ADAM18: variants seen among roughly 807,000 people sequenced by gnomAD.
The protein encoded by ADAM18 is disintegrin and metalloproteinase domain-containing protein 18.
In ADAM18, 117 loss-of-function variants were observed where a neutral mutation model predicts 94.4. That is an observed-to-expected ratio of 1.24 (90% CI 1.07 to 1.45). ADAM18 has a LOEUF of 1.45. ADAM18 is among the 40% of genes most tolerant of loss of function. The pLI is 0.00. For missense variants in ADAM18, 936 were observed against 880.0 expected, an observed-to-expected ratio of 1.06 and a Z score of -0.81; for synonymous variants, 327 against 291.6, an observed-to-expected ratio of 1.12 and a Z score of -1.24.
intron 3 of ADAM18, among the ~76,000 whole-genome samples, chr8:39,607,842 A>G (rs1277695541): frequency 1.0e-4 from 15 of 149,138 alleles, no homozygotes; most frequent in African/African-American, 2.2e-4. Flanking sequence ...GCTATATTCA[A>G]TCATCTGGTT....
intron 6 of ADAM18, among the ~76,000 whole-genome samples, chr8:39,621,749 C>T (rs1162977846): frequency 6.6e-6 from 1 of 152,010 alleles, no homozygotes. Flanking sequence ...TGCAGCCATA[C>T]AAAAGAATGA....
intron 2 of ADAM18, among the ~76,000 whole-genome samples, chr8:39,597,749 T>A (rs1243180358): frequency 6.6e-6 from 1 of 152,186 alleles, no homozygotes; most frequent in Non-Finnish European, 1.5e-5. Flanking sequence ...TAGTATTGTG[T>A]TGTGTTGCCT....
At chr8:39,663,540 A>AGTGTG (rs1259354330) in intron 12 of ADAM18, among the ~76,000 whole-genome samples, 1 of 133,682 alleles carries the variant, frequency 7.5e-6, no homozygotes, top group Non-Finnish European at 1.6e-5. Flanking sequence ...TTGAGGCTGC[A>AGTGTG]GTGTGTCATG....
In ADAM18 at chr8:39,637,703, T is replaced by C; in HGVS notation, c.827T>C (p.Val276Ala). ...CCCCATGACATAGCATACTTACTTGTGTAAGCACAATGTTCTACATTAATA... is the reference window on the plus strand; with the variant it reads ...CCCCATGACATAGCATACTTACTTGCGTAAGCACAATGTTCTACATTAATA... Reference protein sequence around the residue: ...LRPHDIAYLLVYRKHPKYVGA... With the variant: ...LRPHDIAYLLAYRKHPKYVGA... The change falls in exon 9 of 20, where the codon GTT becomes GCT. Residue 276 changes from valine to alanine, a missense_variant and splice_region_variant. Transcript: ENST00000265707. 1 of 1,592,202 alleles carries C rather than the reference T, an allele frequency of 6.3e-7. No homozygotes were observed. Among genetic ancestry groups the C allele is most frequent in the East Asian group, 2.3e-5 (1 of 44,352 alleles).
At chr8:39,638,638 C>T in intron 10 of ADAM18, 92 bp downstream of exon 10, 1 of 657,176 alleles carries the variant, frequency 1.5e-6, no homozygotes, top group Non-Finnish European at 2.3e-6. Context: ...TAGTGTAAAA[C>T]CATTTGATCT....
intron 18 of ADAM18, among the ~76,000 whole-genome samples, chr8:39,717,302 A>AG (rs1777892583): frequency 6.7e-6 from 1 of 149,236 alleles, no homozygotes; most frequent in African/African-American, 2.5e-5. Flanking sequence ...ACGTATTTTT[A>AG]TAGTTATTTT....
intron 7 of ADAM18, among the ~76,000 whole-genome samples, chr8:39,631,814 T>G (rs920329263): frequency 1.3e-5 from 2 of 152,066 alleles, no homozygotes; most frequent in African/African-American, 4.8e-5. Flanking sequence ...GAGAACCCCC[T>G]CACATTCGTC....
At chr8:39,621,084 T>G (rs1327991749) in intron 6 of ADAM18, among the ~76,000 whole-genome samples, 2 of 151,880 alleles carry the variant, frequency 1.3e-5, no homozygotes, top group African/African-American at 4.8e-5. Context: ...AAAGCCAACA[T>G]TTAAAAAATA....
At chr8:39,600,557 T>A (rs1463346836) in intron 2 of ADAM18, among the ~76,000 whole-genome samples, 1 of 152,244 alleles carries the variant, frequency 6.6e-6, no homozygotes, top group East Asian at 1.9e-4. Context: ...TGATTGATAG[T>A]GTTTAATATT....
At chr8:39,586,737 AAAAC>A (rs947296961) in intron 2 of ADAM18, among the ~76,000 whole-genome samples, 4 of 150,604 alleles carry the variant, frequency 2.7e-5, no homozygotes, top group African/African-American at 4.9e-5. Flanking sequence ...TTAAAAACAA[AAAAC>A]AAACAAACAA....
At chr8:39,652,519 G>A (rs372064684) in intron 12 of ADAM18, among the ~76,000 whole-genome samples, 33 of 152,170 alleles carry the variant, frequency 2.2e-4, no homozygotes, top group South Asian at 1.2e-3. Context: ...GTCAGAATAC[G>A]ATCATCAAAA....
intron 12 of ADAM18, among the ~76,000 whole-genome samples, chr8:39,655,777 A>G (rs1328147507): frequency 6.6e-6 from 1 of 152,040 alleles, no homozygotes; most frequent in Non-Finnish European, 1.5e-5. Context: ...CGTATAAATG[A>G]ATTTATCGAG....
intron 18 of ADAM18, among the ~76,000 whole-genome samples, chr8:39,715,090 C>A (rs1446272645): frequency 6.6e-6 from 1 of 151,942 alleles, no homozygotes. Context: ...TTACAATGTA[C>A]CTTAACAAGC....
At chr8:39,709,216 T>C (rs954574586) in intron 18 of ADAM18, among the ~76,000 whole-genome samples, 1 of 152,044 alleles carries the variant, frequency 6.6e-6, no homozygotes, top group East Asian at 1.9e-4. Context: ...GAAAAGGGGA[T>C]GGGGTGGGAA....
intron 16 of ADAM18, among the ~76,000 whole-genome samples, chr8:39,687,415 T>C (rs1821636564): frequency 6.6e-6 from 1 of 152,224 alleles, no homozygotes; most frequent in Non-Finnish European, 1.5e-5. Flanking sequence ...TATTAATTTC[T>C]TGTCATCTCC....
chr8:39,723,195 G>A (rs1822808850), intron 18 of ADAM18, among the ~76,000 whole-genome samples: 1 of 151,252 alleles, frequency 6.6e-6, no homozygotes, highest in South Asian at 2.1e-4. Context: ...GTAATAATAT[G>A]CTTATAGAAT....
At chr8:39,668,729 A>G (rs1460128135) in intron 14 of ADAM18, among the ~76,000 whole-genome samples, 3 of 152,126 alleles carry the variant, frequency 2.0e-5, no homozygotes, top group Non-Finnish European at 2.9e-5. Context: ...CTGGTGAGCA[A>G]TTATTCATAA....
At chr8:39,650,409 C>A (rs778817950) in intron 12 of ADAM18, among the ~76,000 whole-genome samples, 1 of 152,064 alleles carries the variant, frequency 6.6e-6, no homozygotes, top group Non-Finnish European at 1.5e-5. Context: ...TAGTGTCCAA[C>A]AAAAATTTAC....
intron 16 of ADAM18, among the ~76,000 whole-genome samples, chr8:39,691,537 T>C (rs1821780731): frequency 6.6e-6 from 1 of 152,070 alleles, no homozygotes; most frequent in Non-Finnish European, 1.5e-5. Flanking sequence ...CTCCCATGTT[T>C]ATTGCCACAC....
Sources: gnomAD v4.1 joint callset for allele counts (sites outside exome capture counted in the v4.1 genomes callset) on GRCh38, gnomAD v4.1.1 for gene constraint, MANE v1.5 for transcripts, NCBI Gene and HGNC (gene_info 2026-07-23, HGNC 2026-07-21) for gene names.